Variants in KLC2 observed in about 807,000 individuals in gnomAD.
The protein encoded by KLC2 is kinesin light chain 2.
Under a neutral mutation model 75.1 loss-of-function variants are expected in KLC2, and 35 were observed. That is an observed-to-expected ratio of 0.47 (90% CI 0.36 to 0.62). The LOEUF is 0.62. KLC2 is among the 20% of genes least tolerant of loss of function. The pLI, the probability that KLC2 is intolerant of heterozygous loss-of-function variation, is 0.00. For synonymous variants in KLC2, 314 were observed against 336.7 expected (o/e 0.93, Z 0.74); for missense variants, 611 against 833.2 (o/e 0.73, Z 3.28).
intron 2 of KLC2, among the ~76,000 whole-genome samples, chr11:66,260,254 C>G (rs1211889606): frequency 6.6e-6 from 1 of 151,974 alleles, no homozygotes; most frequent in Non-Finnish European, 1.5e-5. Flanking sequence ...GGGTCTCAGA[C>G]AGCCTGGCCC....
the KLC2 span, among the ~76,000 whole-genome samples, chr11:66,251,337 C>A: frequency 9.6e-5 from 12 of 124,852 alleles, 3 homozygotes; most frequent in Non-Finnish European, 2.3e-4. Flanking sequence ...ACTAAAAATA[C>A]AAAAATTAAC....
chr11:66,245,730 A>AT, the KLC2 span, among the ~76,000 whole-genome samples: 7 of 151,002 alleles, frequency 4.6e-5, no homozygotes, highest in Non-Finnish European at 8.9e-5. Context: ...AAAAAAAAAA[A>AT]TTTTTGCCGG....
upstream of KLC2, among the ~76,000 whole-genome samples, chr11:66,256,752 C>T (rs1856053501): frequency 1.3e-5 from 2 of 152,200 alleles, no homozygotes; most frequent in African/African-American, 4.8e-5. Context: ...AGGGTCTTCA[C>T]TTGTGTCAAA....
chr11:66,244,365 C>G, the KLC2 span: 1 of 152,950 alleles, frequency 6.5e-6, no homozygotes, highest in Non-Finnish European at 1.5e-5. Flanking sequence ...CCAGCAGGCT[C>G]CTTCCCTCCC....
the KLC2 span, among the ~76,000 whole-genome samples, chr11:66,251,109 A>T: frequency 6.6e-6 from 1 of 152,232 alleles, no homozygotes; most frequent in African/African-American, 2.4e-5. Context: ...TGATGAGGAC[A>T]TTGTAAAGGT....
chr11:66,266,272 T>A, intron 14 of KLC2, 55 bp downstream of exon 14: 1 of 1,557,182 alleles, frequency 6.4e-7, no homozygotes, highest in Non-Finnish European at 8.7e-7. Flanking sequence ...CCGGATGAGC[T>A]CCTGACCCAG....
rs199596846 is a variant in KLC2 at position 66,264,372 on chromosome 11, T to C, written c.1144T>C (p.Tyr382His). 6.2e-7 allele frequency: 1 copy of C among 1,613,430 alleles called. No homozygotes were observed. Among genetic ancestry groups the C allele is most frequent in the African/African-American group, 1.3e-5 (1 of 74,994 alleles). ...LASCYLKQGK[Y>H]QDAETLYKEI... ...TTCCTGCTACCTGAAGCAGGGCAAG[T>C]ACCAGGATGCGGAGACCTTGTACAA... The change falls in exon 9 of 16, where the codon TAC becomes CAC. Residue 382 changes from tyrosine (Y) to histidine (H), a missense_variant. By Grantham distance (83) the Tyr-to-His change is moderately conservative (BLOSUM62 2). Coordinates refer to ENST00000394067, the MANE Select transcript of KLC2 (RefSeq NM_001318734.2).
rs1249983577 is a variant in KLC2 at position 66,267,221 on chromosome 11, T to G, written c.*265T>G. The G allele has an allele frequency of 2.0e-6, 3 of 1,533,038 alleles. No individual in the cohort carries two copies. In the African/African-American group the frequency reaches 4.1e-5, roughly 21 times the overall value. The allele number at this position is 1,533,038 out of a possible 1,614,324, so 95.0% of individuals were successfully genotyped here. ...CCAGCAGGAGGTGCCGGCTGGAGTC[T>G]CCACCATAGACTCAGTGGCCTGGCC... On this transcript the variant is annotated 3_prime_UTR_variant, in exon 16 of 16. Coordinates refer to ENST00000394067, the MANE Select transcript of KLC2 (RefSeq NM_001318734.2).
At chr11:66,266,796 G>C in intron 15 of KLC2, 77 bp from the exon 16 acceptor site, 1 of 1,486,646 alleles carries the variant, frequency 6.7e-7, no homozygotes, top group Middle Eastern at 1.8e-4. Context: ...GCCTCTGCCA[G>C]GTCAGACCCC....
At chr11:66,264,475 C>G (rs760321377) in intron 9 of KLC2, 31 bp downstream of exon 9, 131 of 1,478,962 alleles carry the variant, frequency 8.9e-5, no homozygotes, top group Non-Finnish European at 9.3e-5. Context: ...TGCCTCTAGC[C>G]CATCCATCCC....
chr11:66,266,651 C>T (rs1368243222), intron 15 of KLC2, 161 bp downstream of exon 15: 5 of 884,378 alleles, frequency 5.7e-6, no homozygotes, highest in Non-Finnish European at 7.5e-6. Flanking sequence ...GGGAACCCAG[C>T]CTCTCCTGGG....
chr11:66,265,030 C>G lies in KLC2; in HGVS notation c.1224C>G (p.Asn408Lys), dbSNP rs1402057236. The G allele has an allele frequency of 4.3e-6, 7 of 1,613,226 alleles. No individual in the cohort carries two copies. Among genetic ancestry groups the G allele is most frequent in the East Asian group, 4.5e-5 (2 of 44,864 alleles). The change falls in exon 10 of 16, where the codon AAC becomes AAG. Residue 408 changes from asparagine to lysine, a missense_variant. Transcript: ENST00000394067. ...EKEFGSVNGDNKPIWMHAEER... is the reference protein window; with the variant it reads ...EKEFGSVNGDKKPIWMHAEER... ...TCCCCTTTCTCTCCCCAGGGGACAA[C>G]AAGCCCATCTGGATGCACGCAGAGG...
In KLC2 at chr11:66,258,585, C is replaced by G. The variant is rs373479831; in HGVS notation, c.-10C>G. 5.2e-5 allele frequency: 84 copies of G among 1,602,124 alleles called. No individual in the cohort carries two copies. The highest frequency in any genetic ancestry group is 7.0e-5 in the Non-Finnish European group (82 of 1,170,494). On this transcript the variant is annotated splice_region_variant and 5_prime_UTR_variant, in exon 2 of 16. Coordinates refer to ENST00000394067, the MANE Select transcript of KLC2 (RefSeq NM_001318734.2). ...CTGCCCGCACCCTCGTCCTCACAGA[C>G]GCCACAGCCATGGCCATGATGGTGT...
At position 66,264,167 on chromosome 11, in the gene KLC2, C is replaced by T; in HGVS notation, c.1064C>T (p.Ala355Val). The change falls in exon 8 of 16, where the codon GCT (alanine) becomes GTT (valine). Residue 355 changes from alanine to valine, a missense_variant. Ala to Val is a moderately conservative substitution (Grantham distance 64). Transcript: ENST00000394067. Reference protein sequence around the residue: ...YYYRRALEIYATRLGPDDPNV... With the variant: ...YYYRRALEIYVTRLGPDDPNV... ...TATCGGCGGGCACTGGAGATCTATG[C>T]TACACGCCTCGGGCCCGATGACCCC... The T allele has an allele frequency of 6.4e-7, 1 of 1,572,928 alleles. No homozygotes were observed. The highest frequency in any genetic ancestry group is 8.6e-7 in the Non-Finnish European group (1 of 1,158,186).
chr11:66,266,787 C>G (rs1358717409), intron 15 of KLC2, 86 bp from the exon 16 acceptor site: 9 of 1,400,112 alleles, frequency 6.4e-6, no homozygotes, highest in African/African-American at 1.4e-5. Context: ...ATTCCGGCTG[C>G]CTCTGCCAGG....
intron 5 of KLC2, among the ~76,000 whole-genome samples, chr11:66,263,263 C>T (rs1004895531): frequency 6.6e-6 from 1 of 152,094 alleles, no homozygotes; most frequent in Non-Finnish European, 1.5e-5. Flanking sequence ...TCTCCAGGCA[C>T]CAAGGCTGGA....
chr11:66,262,168 C>G lies in KLC2; in HGVS notation c.505C>G (p.Pro169Ala). The G allele has an allele frequency of 1.2e-6, 2 of 1,613,380 alleles. No individual in the cohort carries two copies. The highest frequency in any genetic ancestry group is 1.7e-6 in the Non-Finnish European group (2 of 1,179,956). ...CAAAGACACACTGGATGACCTGTTCCCCAATGAGGATGAGCAGAGCCCAGG... is the reference window on the plus strand; with the variant it reads ...CAAAGACACACTGGATGACCTGTTCGCCAATGAGGATGAGCAGAGCCCAGG... Reference protein sequence around the residue: ...VPKDTLDDLFPNEDEQSPAPS... With the variant: ...VPKDTLDDLFANEDEQSPAPS... Residue 169 changes from proline to alanine, a missense_variant, in exon 4 of 16, where the codon CCC (proline) becomes GCC (alanine). Transcript: ENST00000394067.
At position 66,266,192 on chromosome 11, in the gene KLC2, A is replaced by AC; in HGVS notation, c.1708dup (p.Gln570ProfsTer5). The AC allele has an allele frequency of 6.2e-7, 1 of 1,608,332 alleles. No homozygotes were observed. The highest frequency in any genetic ancestry group is 8.5e-7 in the Non-Finnish European group (1 of 1,177,268). On this transcript the variant is annotated frameshift_variant, in exon 14 of 16. Coordinates refer to ENST00000394067, the MANE Select transcript of KLC2 (RefSeq NM_001318734.2). LOFTEE classifies it high-confidence loss of function. Reference sequence around the variant, plus strand: ...GCTGGTAAAGAAGCTGCAGGGGGGCACCCCCCAGGAGCCCCCTAACCCCAG... The same window carrying AC: ...GCTGGTAAAGAAGCTGCAGGGGGGCACCCCCCCAGGAGCCCCCTAACCCCAG...
intron 2 of KLC2, chr11:66,261,507 T>C (rs755518479): frequency 2.6e-5 from 13 of 509,004 alleles, no homozygotes; most frequent in Non-Finnish European, 4.6e-5. Context: ...GTTCTCCTGA[T>C]CCTAGAAGGA....
Sources: allele counts gnomAD v4.1 joint callset (sites outside exome capture counted in the v4.1 genomes callset), GRCh38; gene constraint gnomAD v4.1.1; transcripts MANE v1.5; gene names NCBI Gene and HGNC (gene_info 2026-07-23, HGNC 2026-07-21).